The following ZSCAN4 variants were observed in gnomAD, a reference collection of about 807,000 sequenced individuals.
ZSCAN4 encodes the protein zinc finger and SCAN domain-containing protein 4.
ZSCAN4 carries 18 observed loss-of-function variants against 18.3 expected under a neutral mutation model. The ratio of observed to expected loss-of-function variants is 0.98; its 90% CI spans 0.68 to 1.46. ZSCAN4 has a LOEUF of 1.46. ZSCAN4 is among the 40% of genes most tolerant of loss of function. The probability of loss-of-function intolerance (pLI) is 0.00; values close to 1 mark genes in which losing one functional copy is unlikely to be tolerated. For missense variants in ZSCAN4, 498 were observed against 511.4 expected, an observed-to-expected ratio of 0.97 and a Z score of 0.25; for synonymous variants, 193 against 180.3, an observed-to-expected ratio of 1.07 and a Z score of -0.57.
the ZSCAN4 span, among the ~76,000 whole-genome samples, chr19:57,663,567 T>A: frequency 2.8e-5 from 4 of 142,392 alleles, no homozygotes; most frequent in East Asian, 2.0e-4. Context: ...CGTGGTATCA[T>A]GAGCCTGTAA....
intron 3 of ZSCAN4, among the ~76,000 whole-genome samples, chr19:57,676,776 T>C (rs1464660099): frequency 6.6e-6 from 1 of 152,214 alleles, no homozygotes; most frequent in Non-Finnish European, 1.5e-5. Context: ...CCAAACATAT[T>C]GATGTTTGAT....
At chr19:57,666,196 G>A (rs1983844608), upstream of ZSCAN4, among the ~76,000 whole-genome samples, 1 of 152,190 alleles carries the variant, frequency 6.6e-6, no homozygotes, top group African/African-American at 2.4e-5. Context: ...TCGGGGCTTT[G>A]TCCAAGTCTC....
At chr19:57,669,496 C>T (rs1407404210) in intron 1 of ZSCAN4, among the ~76,000 whole-genome samples, 1 of 151,960 alleles carries the variant, frequency 6.6e-6, no homozygotes, top group Non-Finnish European at 1.5e-5. Flanking sequence ...GGCACAATTT[C>T]AGCTCACTGC....
chr19:57,674,222 A>G (rs1171455656), intron 2 of ZSCAN4, among the ~76,000 whole-genome samples: 1 of 152,204 alleles, frequency 6.6e-6, no homozygotes, highest in African/African-American at 2.4e-5. Context: ...TGTTTGTTAC[A>G]AAAGTATTCT....
At chr19:57,658,757 C>T in the ZSCAN4 span, among the ~76,000 whole-genome samples, 1 of 150,184 alleles carries the variant, frequency 6.7e-6, no homozygotes, top group Admixed American at 6.7e-5. Flanking sequence ...TCACTTGAAC[C>T]CAGAAGACAG....
At chr19:57,669,670 C>T (rs949768420) in intron 1 of ZSCAN4, among the ~76,000 whole-genome samples, 11 of 150,660 alleles carry the variant, frequency 7.3e-5, no homozygotes, top group African/African-American at 2.7e-4. Context: ...CGTGATCCGC[C>T]CACCTCGGCC....
upstream of ZSCAN4, among the ~76,000 whole-genome samples, chr19:57,667,550 G>T (rs542070741): frequency 1.3e-5 from 2 of 152,220 alleles, no homozygotes; most frequent in Non-Finnish European, 2.9e-5. Flanking sequence ...TGAGAACAGA[G>T]TCAAATATGC....
chr19:57,655,808 C>T, the ZSCAN4 span, among the ~76,000 whole-genome samples: 3 of 151,984 alleles, frequency 2.0e-5, no homozygotes, highest in Admixed American at 6.6e-5. Flanking sequence ...CTTTCCGACA[C>T]ATATCAGAGA....
chr19:57,676,479 G>A, exon 3 of ZSCAN4: 1 of 1,614,136 alleles, frequency 6.2e-7, no homozygotes, highest in South Asian at 1.1e-5. Context: ...GAAATCAAGT[G>A]GCAAAAACTT....
chr19:57,672,200 TA>T (rs780098730), intron 2 of ZSCAN4, among the ~76,000 whole-genome samples: 7 of 152,082 alleles, frequency 4.6e-5, no homozygotes, highest in Non-Finnish European at 8.8e-5. Context: ...TAAAAACAGA[TA>T]AACATAAAAT....
upstream of ZSCAN4, among the ~76,000 whole-genome samples, chr19:57,665,690 C>T (rs1480842215): frequency 6.6e-6 from 1 of 151,986 alleles, no homozygotes; most frequent in East Asian, 1.9e-4. Flanking sequence ...GAGGCTGAGG[C>T]GGGTGGATCA....
chr19:57,660,896 C>T, the ZSCAN4 span, among the ~76,000 whole-genome samples: 1 of 151,680 alleles, frequency 6.6e-6, no homozygotes, highest in Admixed American at 6.6e-5. Context: ...CTTCTGTCTA[C>T]ACAGAATCCT....
chr19:57,668,429 T>G (rs1983915840), upstream of ZSCAN4, among the ~76,000 whole-genome samples: 1 of 152,128 alleles, frequency 6.6e-6, no homozygotes, highest in African/African-American at 2.4e-5. Context: ...CAGAACATAA[T>G]TCCTAATGTG....
the ZSCAN4 span, among the ~76,000 whole-genome samples, chr19:57,657,179 C>A: frequency 6.6e-5 from 10 of 151,564 alleles, no homozygotes; most frequent in Non-Finnish European, 1.3e-4. Context: ...TTGCTTGAAC[C>A]CGGGAGGCAG....
chr19:57,661,230 A>T, the ZSCAN4 span, among the ~76,000 whole-genome samples: 1 of 152,216 alleles, frequency 6.6e-6, no homozygotes, highest in African/African-American at 2.4e-5. Flanking sequence ...ACTGGGACAC[A>T]CTATACCCCT....
At chr19:57,654,849 C>T in the ZSCAN4 span, among the ~76,000 whole-genome samples, 1 of 152,172 alleles carries the variant, frequency 6.6e-6, no homozygotes, top group East Asian at 1.9e-4. Context: ...ACTATATTCC[C>T]ACAGGGGGGC....
the ZSCAN4 span, among the ~76,000 whole-genome samples, chr19:57,663,259 A>G: frequency 2.0e-5 from 3 of 151,746 alleles, no homozygotes; most frequent in African/African-American, 7.3e-5. Flanking sequence ...CTGAGGCAAA[A>G]AAAAATCACT....
chr19:57,678,928 T>C, exon 5 of ZSCAN4: 1 of 1,546,356 alleles, frequency 6.5e-7, no homozygotes, highest in Non-Finnish European at 8.7e-7. Flanking sequence ...ATAATGTGTA[T>C]AAATATGTAT....
chr19:57,667,512 T>C (rs1185543117), upstream of ZSCAN4, among the ~76,000 whole-genome samples: 1 of 152,206 alleles, frequency 6.6e-6, no homozygotes, highest in Non-Finnish European at 1.5e-5. Context: ...ACTGTTGTGA[T>C]GGAAATGGGT....
Sources: allele counts gnomAD v4.1 joint callset (sites outside exome capture counted in the v4.1 genomes callset), GRCh38; gene constraint gnomAD v4.1.1; transcripts MANE v1.5; gene names NCBI Gene and HGNC (gene_info 2026-07-23, HGNC 2026-07-21).